The following ULK4 variants were observed in gnomAD, a reference collection of about 807,000 sequenced individuals.
ULK4 encodes unc-51 like kinase 4.
Under a neutral mutation model 160.6 loss-of-function variants are expected in ULK4, and 133 were observed. The ratio of observed to expected loss-of-function variants is 0.83; its 90% confidence interval spans 0.72 to 0.96. ULK4 has a LOEUF of 0.96. ULK4 is among the 40% of genes least tolerant of loss of function. The pLI, the probability that ULK4 is intolerant of heterozygous loss-of-function variation, is 0.00. For synonymous variants in ULK4, 534 were observed against 539.8 expected (o/e 0.99, Z 0.15); for missense variants, 1,580 against 1,499.5 (o/e 1.05, Z -0.89).
intron 17 of ULK4, among the ~76,000 whole-genome samples, chr3:41,871,389 G>C (rs930590167): frequency 6.6e-6 from 1 of 152,166 alleles, no homozygotes; most frequent in Non-Finnish European, 1.5e-5. Context: ...ATATGGATAT[G>C]TAATATGGAG....
At chr3:41,501,841 C>A (rs781206216) in intron 32 of ULK4, among the ~76,000 whole-genome samples, 107 of 152,272 alleles carry the variant, frequency 7.0e-4, no homozygotes, top group East Asian at 3.3e-3. Flanking sequence ...CACCCCTCCC[C>A]ACTCCAAACC....
intron 32 of ULK4, among the ~76,000 whole-genome samples, chr3:41,470,026 A>AC (rs2083939958): frequency 1.1e-4 from 15 of 140,926 alleles, no homozygotes; most frequent in Admixed American, 1.1e-3. Context: ...CAGAAAAAAA[A>AC]AAAAAAAAAA....
At chr3:41,441,504 T>C (rs975390683) in intron 34 of ULK4, among the ~76,000 whole-genome samples, 5 of 152,046 alleles carry the variant, frequency 3.3e-5, no homozygotes, top group African/African-American at 9.7e-5. Context: ...TATTTATCAA[T>C]TTATAATTTC....
chr3:41,921,375 G>A (rs1422664200), intron 5 of ULK4, among the ~76,000 whole-genome samples: 1 of 151,980 alleles, frequency 6.6e-6, no homozygotes, highest in Non-Finnish European at 1.5e-5. Flanking sequence ...ATTTTGGGAG[G>A]CCGAGGCGAG....
At chr3:41,449,261 C>T (rs995705574) in intron 34 of ULK4, among the ~76,000 whole-genome samples, 3 of 152,014 alleles carry the variant, frequency 2.0e-5, no homozygotes, top group South Asian at 4.2e-4. Flanking sequence ...CCAGGTCTCA[C>T]TATGTTGCCC....
intron 25 of ULK4, among the ~76,000 whole-genome samples, chr3:41,706,107 G>A (rs1282830700): frequency 6.6e-6 from 1 of 151,874 alleles, no homozygotes; most frequent in Non-Finnish European, 1.5e-5. Flanking sequence ...CATGCACCAT[G>A]CTAGTGCCTC....
At chr3:41,739,463 C>T (rs1244099326) in intron 22 of ULK4, among the ~76,000 whole-genome samples, 1 of 151,922 alleles carries the variant, frequency 6.6e-6, no homozygotes, top group Non-Finnish European at 1.5e-5. Flanking sequence ...GTGAGCAGAG[C>T]TTCAAATAAT....
intron 20 of ULK4, among the ~76,000 whole-genome samples, chr3:41,795,608 C>T (rs2040280799): frequency 6.6e-6 from 1 of 152,186 alleles, no homozygotes; most frequent in African/African-American, 2.4e-5. Context: ...CTGCTTTAAA[C>T]ATTAATATTA....
At chr3:41,898,319 T>G (rs765139717) in intron 14 of ULK4, 113 bp downstream of exon 14, 28 of 672,830 alleles carry the variant, frequency 4.2e-5, no homozygotes, top group Non-Finnish European at 6.2e-5. Flanking sequence ...TATAGCCAAT[T>G]GTCAAGACAA....
At chr3:41,700,348 T>C (rs1174214341) in intron 27 of ULK4, among the ~76,000 whole-genome samples, 2 of 151,464 alleles carry the variant, frequency 1.3e-5, no homozygotes, top group African/African-American at 4.9e-5. Flanking sequence ...GCATACAGAG[T>C]TTTATGAGTC....
At chr3:41,411,453 A>G (rs2082408157) in intron 34 of ULK4, among the ~76,000 whole-genome samples, 1 of 148,722 alleles carries the variant, frequency 6.7e-6, no homozygotes, top group South Asian at 2.1e-4. Context: ...TTTGAGACAG[A>G]GTCTCACTCT....
intron 12 of ULK4, among the ~76,000 whole-genome samples, chr3:41,907,156 A>C (rs976904063): frequency 9.9e-5 from 15 of 152,194 alleles, no homozygotes; most frequent in Non-Finnish European, 1.3e-4. Context: ...CAAGCATGGA[A>C]AAGTACTGGA....
At chr3:41,696,387 C>A (rs1263602735) in intron 27 of ULK4, among the ~76,000 whole-genome samples, 2 of 152,208 alleles carry the variant, frequency 1.3e-5, no homozygotes, top group Admixed American at 6.5e-5. Flanking sequence ...CTCTCTCTGC[C>A]TTGGCTGCCA....
rs888529806 is a variant in ULK4, at chr3:41,572,556, T to C, written c.3121-6426A>G. Among the ~76,000 whole-genome samples the C allele has an allele frequency of 5.6e-4, 85 of 151,338 alleles. 1 individual carries two copies. The highest frequency in any genetic ancestry group is 1.6e-4 in the Non-Finnish European group (11 of 67,854). Reference sequence around the variant, plus strand: ...CAGGTGGATCACAAGGTCAGGAGATTGAGACCATCCTGGCTAACATGGTGA... The same window carrying C: ...CAGGTGGATCACAAGGTCAGGAGATCGAGACCATCCTGGCTAACATGGTGA... On this transcript the variant is annotated intron_variant, in intron 31 of 36. Transcript: ENST00000301831.
At chr3:41,831,856 A>G (rs1226792050) in intron 18 of ULK4, among the ~76,000 whole-genome samples, 2 of 152,074 alleles carry the variant, frequency 1.3e-5, no homozygotes, top group Non-Finnish European at 2.9e-5. Flanking sequence ...AGCTTCACCC[A>G]TGGCCCTGCA....
chr3:41,644,443 G>C (rs559946607), intron 30 of ULK4, among the ~76,000 whole-genome samples: 1 of 152,180 alleles, frequency 6.6e-6, no homozygotes, highest in Non-Finnish European at 1.5e-5. Flanking sequence ...TGCATCTATT[G>C]AGATAATCAT....
At chr3:41,415,533 A>G (rs1413529083) in intron 34 of ULK4, among the ~76,000 whole-genome samples, 1 of 152,214 alleles carries the variant, frequency 6.6e-6, no homozygotes, top group Admixed American at 6.5e-5. Context: ...GGTGCCGCTC[A>G]GGGTATTTGC....
chr3:41,487,818 T>C (rs926875283), intron 32 of ULK4, among the ~76,000 whole-genome samples: 1 of 152,064 alleles, frequency 6.6e-6, no homozygotes, highest in Non-Finnish European at 1.5e-5. Flanking sequence ...AAAGACTAAA[T>C]AAAGTTAACA....
chr3:41,470,018 G>GAAAAAAAAAAAAAAAAAAAAAA lies in ULK4; in HGVS notation c.3227-6787_3227-6766dup, dbSNP rs71094650. Among the ~76,000 whole-genome samples, 73 of 45,976 alleles carry GAAAAAAAAAAAAAAAAAAAAAA rather than the reference G, an allele frequency of 1.6e-3. 6 individuals are homozygous for GAAAAAAAAAAAAAAAAAAAAAA. The highest frequency in any genetic ancestry group is 2.6e-3 in the African/African-American group (30 of 11,330). The allele number at this position is 45,976 out of a possible 152,430, so 30.2% of individuals were successfully genotyped here. On this transcript the variant is annotated intron_variant, in intron 32 of 36. Coordinates refer to ENST00000301831, the MANE Select transcript of ULK4 (RefSeq NM_017886.4). ...GAGGAATTCAAGAAGAAACAGAACA[G>GAAAAAAAAAAAAAAAAAAAAAA]AAAAAAAAAAAAAAAAAAAAAAAAA...
Sources: gnomAD v4.1 joint callset for allele counts (sites outside exome capture counted in the v4.1 genomes callset) on GRCh38, gnomAD v4.1.1 for gene constraint, MANE v1.5 for transcripts, NCBI Gene and HGNC (gene_info 2026-07-23, HGNC 2026-07-21) for gene names.